F13A1: variants seen among roughly 807,000 people sequenced by gnomAD.
The protein encoded by F13A1 is coagulation factor XIII A chain, also known as FSF, A subunit.
F13A1 carries 47 observed loss-of-function variants against 80.1 expected under a neutral mutation model. The ratio of observed to expected loss-of-function variants is 0.59; its 90% CI spans 0.46 to 0.75. The LOEUF is 0.75. F13A1 is among the 30% of genes least tolerant of loss of function. The pLI, the probability that F13A1 is intolerant of heterozygous loss-of-function variation, is 0.00. For missense variants in F13A1, 817 were observed against 930.4 expected, an observed-to-expected ratio of 0.88 and a Z score of 1.59; for synonymous variants, 349 against 344.9, an observed-to-expected ratio of 1.01 and a Z score of -0.13.
At chr6:6,244,989 G>A (rs1381352904) in intron 6 of F13A1, among the ~76,000 whole-genome samples, 2 of 152,138 alleles carry the variant, frequency 1.3e-5, no homozygotes, top group African/African-American at 4.8e-5. Flanking sequence ...TCACAGAGGG[G>A]TTTAGTGCTG....
chr6:6,147,038 G>A (rs764148561), intron 14 of F13A1, among the ~76,000 whole-genome samples: 6 of 152,232 alleles, frequency 3.9e-5, no homozygotes, highest in Admixed American at 1.3e-4. Flanking sequence ...AGTATTCTAA[G>A]TGAAGTAACT....
At chr6:6,305,872 G>A (rs1215139340) in intron 2 of F13A1, among the ~76,000 whole-genome samples, 1 of 152,122 alleles carries the variant, frequency 6.6e-6, no homozygotes, top group Non-Finnish European at 1.5e-5. Context: ...TCAGTCTCAC[G>A]CTAGTTTTCG....
chr6:6,199,098 C>T (rs1368576052), intron 8 of F13A1, among the ~76,000 whole-genome samples: 3 of 152,118 alleles, frequency 2.0e-5, no homozygotes, highest in East Asian at 1.9e-4. Context: ...AGGCAATGCA[C>T]GAAACTAACA....
chr6:6,233,834 T>C (rs1385997609), intron 6 of F13A1, among the ~76,000 whole-genome samples: 6 of 151,934 alleles, frequency 3.9e-5, no homozygotes, highest in African/African-American at 1.4e-4. Context: ...ATAAACAGAA[T>C]TAAAAACAAA....
Position 6,318,558 on chromosome 6 carries a change from A to G in F13A1, c.107T>C (p.Val36Ala), listed in dbSNP as rs752589234. The G allele has an allele frequency of 1.2e-6, 2 of 1,613,844 alleles. No homozygotes were observed. Among genetic ancestry groups the G allele is most frequent in the African/African-American group, 1.3e-5 (1 of 75,028 alleles). ...ACCTTGCAGGTTGACGCCCCGGGGC[A>G]CCACGCCCTGAAGCTCCACTGTGGG... ...DLPTVELQGVVPRGVNLQEFL... is the reference protein window; with the variant it reads ...DLPTVELQGVAPRGVNLQEFL... The change falls in exon 2 of 15, where the codon GTG (valine) becomes GCG (alanine). Residue 36 changes from valine to alanine, a missense_variant. Transcript: ENST00000264870.
At chr6:6,274,143 T>C (rs1757957028) in intron 3 of F13A1, among the ~76,000 whole-genome samples, 1 of 152,214 alleles carries the variant, frequency 6.6e-6, no homozygotes, top group Non-Finnish European at 1.5e-5. Context: ...GGGGAAACTT[T>C]GTGAAGACAG....
intron 12 of F13A1, among the ~76,000 whole-genome samples, chr6:6,172,329 C>A (rs922131496): frequency 6.6e-6 from 1 of 152,178 alleles, no homozygotes; most frequent in East Asian, 1.9e-4. Flanking sequence ...TTAAACAATC[C>A]CCATGACTGT....
At chr6:6,185,116 A>T (rs1191147284) in intron 10 of F13A1, among the ~76,000 whole-genome samples, 1 of 149,216 alleles carries the variant, frequency 6.7e-6, no homozygotes. Flanking sequence ...TGGATGAGTT[A>T]CTGAATCTCT....
intron 12 of F13A1, among the ~76,000 whole-genome samples, chr6:6,169,892 A>T (rs1760741967): frequency 6.6e-6 from 1 of 152,226 alleles, no homozygotes; most frequent in African/African-American, 2.4e-5. Context: ...CCTGGGGCAG[A>T]GCTATTCCAT....
At chr6:6,270,600 CTG>C (rs1383795264) in intron 3 of F13A1, among the ~76,000 whole-genome samples, 1 of 152,134 alleles carries the variant, frequency 6.6e-6, no homozygotes, top group Non-Finnish European at 1.5e-5. Flanking sequence ...AGATGGGAAA[CTG>C]AGGCTTGGTG....
intron 8 of F13A1, among the ~76,000 whole-genome samples, chr6:6,211,013 G>A (rs1054428139): frequency 1.3e-5 from 2 of 152,236 alleles, no homozygotes; most frequent in Non-Finnish European, 2.9e-5. Flanking sequence ...TTATAGGTGT[G>A]AGCCACCACG....
At chr6:6,183,914 C>A (rs984728164) in intron 10 of F13A1, among the ~76,000 whole-genome samples, 10 of 152,240 alleles carry the variant, frequency 6.6e-5, no homozygotes, top group African/African-American at 2.4e-4. Flanking sequence ...GAGATAAGAT[C>A]TATGTGAACA....
intron 13 of F13A1, among the ~76,000 whole-genome samples, chr6:6,166,721 C>A (rs1760680551): frequency 6.6e-6 from 1 of 152,188 alleles, no homozygotes; most frequent in Non-Finnish European, 1.5e-5. Context: ...CATTTATCTT[C>A]CACTCTCATC....
chr6:6,309,014 T>C (rs965779399), intron 2 of F13A1, among the ~76,000 whole-genome samples: 6 of 152,232 alleles, frequency 3.9e-5, no homozygotes, highest in African/African-American at 1.4e-4. Context: ...TTTAGTTCGA[T>C]ATTAAGACTT....
At chr6:6,235,154 C>T (rs532418743) in intron 6 of F13A1, among the ~76,000 whole-genome samples, 1 of 151,996 alleles carries the variant, frequency 6.6e-6, no homozygotes, top group South Asian at 2.1e-4. Flanking sequence ...GAACCTTAGA[C>T]CTAAATATAA....
At chr6:6,189,550 C>T (rs574032371) in intron 10 of F13A1, among the ~76,000 whole-genome samples, 5,264 of 143,902 alleles carry the variant, frequency 0.037, 245 homozygotes, top group African/African-American at 0.1. Context: ...TGAATATTGG[C>T]CCCCACTCTC....
intron 12 of F13A1, among the ~76,000 whole-genome samples, chr6:6,173,403 T>TA (rs1760809975): frequency 1.5e-5 from 1 of 68,790 alleles, no homozygotes; most frequent in East Asian, 3.2e-4. Context: ...CAGCCTCCAT[T>TA]CTTTTCTTTT....
chr6:6,208,812 C>T (rs1213576774), intron 8 of F13A1, among the ~76,000 whole-genome samples: 1 of 151,954 alleles, frequency 6.6e-6, no homozygotes, highest in Non-Finnish European at 1.5e-5. Flanking sequence ...TCTATTTATA[C>T]TTCATACATA....
At chr6:6,210,348 T>TATATATATATATATATATA (rs1420900272) in intron 8 of F13A1, among the ~76,000 whole-genome samples, 207 of 134,356 alleles carry the variant, frequency 1.5e-3, no homozygotes, top group South Asian at 2.2e-3. Flanking sequence ...TATATATATA[T>TATATATATATATATATATA]TTCTTTTTTT....
Sources: gnomAD v4.1 joint callset for allele counts (sites outside exome capture counted in the v4.1 genomes callset) on GRCh38, gnomAD v4.1.1 for gene constraint, MANE v1.5 for transcripts, NCBI Gene and HGNC (gene_info 2026-07-23, HGNC 2026-07-21) for gene names.